Variants in NTAQ1 observed in about 807,000 individuals in gnomAD.
NTAQ1 encodes the protein N-terminal glutamine amidase 1, also known as protein N-terminal glutamine amidohydrolase.
A neutral mutation model predicts 28.2 loss-of-function variants in NTAQ1; 21 were observed. That is an observed-to-expected ratio of 0.74 (90% confidence interval 0.53 to 1.07). The LOEUF is 1.07. Ranked by LOEUF, NTAQ1 falls within the 50% of genes least tolerant of loss-of-function variation. The probability of loss-of-function intolerance (pLI) is 0.00; values close to 1 mark genes in which losing one functional copy is unlikely to be tolerated. For synonymous variants in NTAQ1, 105 were observed against 90.0 expected (o/e 1.17, Z -0.94); for missense variants, 264 against 256.6 (o/e 1.03, Z -0.20).
At chr8:123,466,274 A>G (rs1479285201) in intron 6 of NTAQ1, among the ~76,000 whole-genome samples, 2 of 152,204 alleles carry the variant, frequency 1.3e-5, no homozygotes, top group Non-Finnish European at 2.9e-5. Flanking sequence ...TGTGCCACTC[A>G]GAAGCCAATT....
intron 6 of NTAQ1, among the ~76,000 whole-genome samples, chr8:123,464,383 T>C (rs1403389292): frequency 6.6e-6 from 1 of 152,128 alleles, no homozygotes; most frequent in Non-Finnish European, 1.5e-5. Context: ...ACAGCATCCA[T>C]AACAGCAGGG....
At chr8:123,472,618 C>T (rs900039721), downstream of NTAQ1, among the ~76,000 whole-genome samples, 1 of 152,088 alleles carries the variant, frequency 6.6e-6, no homozygotes, top group Non-Finnish European at 1.5e-5. Flanking sequence ...CTCTGTGTGC[C>T]CTCTCTTATA....
chr8:123,438,263 T>G (rs1326299088), intron 5 of NTAQ1: 1 of 691,444 alleles, frequency 1.4e-6, no homozygotes, highest in African/African-American at 1.7e-5. Context: ...ACATTCCCAC[T>G]TAGGGGTGAG....
chr8:123,456,086 G>A (rs956808529), intron 6 of NTAQ1, among the ~76,000 whole-genome samples: 2 of 152,184 alleles, frequency 1.3e-5, no homozygotes, highest in African/African-American at 4.8e-5. Flanking sequence ...CAGGGCTCAA[G>A]TTAGTGGCCC....
intron 5 of NTAQ1, 69 bp from the exon 6 acceptor site, chr8:123,441,237 C>T (rs1011494711): frequency 1.7e-6 from 2 of 1,208,492 alleles, no homozygotes; most frequent in East Asian, 5.1e-5. Context: ...TGGTCTTCTG[C>T]ATTGTTTTAT....
At chr8:123,433,935 T>A (rs1814545338) in intron 3 of NTAQ1, among the ~76,000 whole-genome samples, 1 of 151,914 alleles carries the variant, frequency 6.6e-6, no homozygotes, top group Admixed American at 6.6e-5. Flanking sequence ...ATTTTTTTTT[T>A]TTTTAGCTTA....
exon 7 of NTAQ1, chr8:123,467,154 T>C (rs1451254269): frequency 1.3e-5 from 2 of 151,684 alleles, no homozygotes; most frequent in Non-Finnish European, 2.9e-5. Context: ...CAAGTGATCC[T>C]CAGCCTCCCT....
chr8:123,474,695 A>G (rs1024524597), downstream of NTAQ1, among the ~76,000 whole-genome samples: 7 of 152,298 alleles, frequency 4.6e-5, no homozygotes, highest in Non-Finnish European at 1.0e-4. Context: ...ACTTGAGGTC[A>G]GGAGTTCGAG....
chr8:123,465,345 A>G (rs1815935738), intron 6 of NTAQ1, among the ~76,000 whole-genome samples: 1 of 152,110 alleles, frequency 6.6e-6, no homozygotes, highest in South Asian at 2.1e-4. Context: ...TCACACATAT[A>G]GATATGTGTA....
At chr8:123,435,750 C>CCG (rs1479629475) in intron 3 of NTAQ1, among the ~76,000 whole-genome samples, 1 of 151,928 alleles carries the variant, frequency 6.6e-6, no homozygotes, top group Admixed American at 6.6e-5. Context: ...GTCTGTAGTC[C>CCG]CAGCTACTCA....
At chr8:123,424,376 G>A (rs1008620140) in intron 1 of NTAQ1, among the ~76,000 whole-genome samples, 1 of 152,062 alleles carries the variant, frequency 6.6e-6, no homozygotes, top group South Asian at 2.1e-4. Flanking sequence ...CTGAGTAGCT[G>A]GGATTACAGG....
chr8:123,449,927 A>ATGTGTGTG (rs1341187426), downstream of NTAQ1, among the ~76,000 whole-genome samples: 5 of 44,846 alleles, frequency 1.1e-4, no homozygotes, highest in African/African-American at 3.4e-4. Context: ...GTGTATATAT[A>ATGTGTGTG]TATGTGTGTG....
chr8:123,436,337 T>C (rs1175948471), intron 3 of NTAQ1, 116 bp from the exon 4 acceptor site: 1 of 911,836 alleles, frequency 1.1e-6, no homozygotes, highest in Non-Finnish European at 1.6e-6. Flanking sequence ...TATTTTGCTA[T>C]TATAAGGAGG....
At chr8:123,428,524 A>G (rs762064835) in intron 2 of NTAQ1, among the ~76,000 whole-genome samples, 3 of 151,970 alleles carry the variant, frequency 2.0e-5, no homozygotes, top group Non-Finnish European at 4.4e-5. Flanking sequence ...GTAAGGAAAT[A>G]TGTGATGGTC....
chr8:123,459,800 C>CTTTTT (rs35644112), intron 6 of NTAQ1, among the ~76,000 whole-genome samples: 9 of 119,594 alleles, frequency 7.5e-5, no homozygotes, highest in South Asian at 2.8e-4. Context: ...ATACATCATT[C>CTTTTT]TTTTTTTTTT....
intron 3 of NTAQ1, chr8:123,435,485 C>A (rs1814647555): frequency 2.2e-5 from 22 of 985,448 alleles, no homozygotes; most frequent in Non-Finnish European, 2.5e-5. Flanking sequence ...TGGAGCAGAT[C>A]CTTGCAGACG....
chr8:123,458,931 T>C (rs1280537905), intron 6 of NTAQ1, among the ~76,000 whole-genome samples: 1 of 151,984 alleles, frequency 6.6e-6, no homozygotes, highest in African/African-American at 2.4e-5. Flanking sequence ...TACAAAAAAA[T>C]TAACTGGGCA....
chr8:123,474,932 T>G (rs1014688157), downstream of NTAQ1, among the ~76,000 whole-genome samples: 2 of 152,206 alleles, frequency 1.3e-5, no homozygotes, highest in Non-Finnish European at 2.9e-5. Flanking sequence ...CTGTTTCTTG[T>G]ACCTTCACCC....
downstream of NTAQ1, among the ~76,000 whole-genome samples, chr8:123,449,859 T>TTCTCTCTCTCTC (rs112959997): frequency 2.0e-3 from 224 of 111,224 alleles, 5 homozygotes; most frequent in African/African-American, 7.5e-3. Context: ...GCTCGCTGCT[T>TTCTCTCTCTCTC]TCTCTCTCTC....
Sources: gnomAD v4.1 joint callset for allele counts (sites outside exome capture counted in the v4.1 genomes callset) on GRCh38, gnomAD v4.1.1 for gene constraint, MANE v1.5 for transcripts, NCBI Gene and HGNC (gene_info 2026-07-23, HGNC 2026-07-21) for gene names.